Variants in PTPRT observed in about 807,000 individuals in gnomAD.
PTPRT encodes the protein protein tyrosine phosphatase receptor type T.
In PTPRT, 56 loss-of-function variants were observed where a neutral mutation model predicts 176.8. The observed-to-expected ratio is 0.32, with a 90% CI of 0.26 to 0.40. The LOEUF is 0.40. Among genes scored for constraint, PTPRT ranks in the 10% least tolerant of loss-of-function variants. The pLI, the probability that PTPRT is intolerant of heterozygous loss-of-function variation, is 1.00. For synonymous variants in PTPRT, 783 were observed against 739.0 expected (o/e 1.06, Z -0.96); for missense variants, 1,540 against 1,908.2 (o/e 0.81, Z 3.60).
chr20:42,367,212 G>A lies in PTPRT; in HGVS notation c.1561-14927C>T, dbSNP rs562309433. ...ACCTGGGTGACCTTCAATAATATTC[G>A]ATTCCATCATCAAGAAGAAAGGTTT... On this transcript the variant is annotated intron_variant, in intron 9 of 30. Coordinates refer to ENST00000373187, the MANE Select transcript of PTPRT (RefSeq NM_007050.6). 7.9e-5 allele frequency among the ~76,000 whole-genome samples: 12 copies of A among 152,276 alleles called. No homozygotes were observed. The East Asian group carries it at 1.4e-3, about 17-fold the overall frequency.
chr20:42,463,459 G>T (rs188424575), intron 8 of PTPRT, among the ~76,000 whole-genome samples: 3 of 152,052 alleles, frequency 2.0e-5, no homozygotes, highest in Non-Finnish European at 2.9e-5. Flanking sequence ...TCTTGTCAGT[G>T]GGTTCATGTA....
At chr20:42,447,823 T>G (rs558318718) in intron 9 of PTPRT, among the ~76,000 whole-genome samples, 1 of 152,332 alleles carries the variant, frequency 6.6e-6, no homozygotes, top group Admixed American at 6.5e-5. Context: ...ACATTGGGAT[T>G]CTTTTCAAAG....
chr20:43,091,919 G>A (rs2011894329), intron 1 of PTPRT, among the ~76,000 whole-genome samples: 1 of 152,178 alleles, frequency 6.6e-6, no homozygotes, highest in South Asian at 2.1e-4. Context: ...GTACAATAAG[G>A]TCACAGGCCA....
chr20:42,841,610 TACACACACACACACACAC>T (rs3973897), intron 2 of PTPRT, among the ~76,000 whole-genome samples: 39 of 141,018 alleles, frequency 2.8e-4, no homozygotes, highest in Middle Eastern at 3.6e-3. Context: ...TAGTGTTAAA[TACACACACACACACACAC>T]ACACACACAC....
chr20:43,098,619 T>C (rs552777693), intron 1 of PTPRT, among the ~76,000 whole-genome samples: 12 of 151,944 alleles, frequency 7.9e-5, no homozygotes, highest in African/African-American at 2.4e-4. Flanking sequence ...CATGTGTCCC[T>C]GACCTGATGG....
intron 8 of PTPRT, among the ~76,000 whole-genome samples, chr20:42,460,961 C>T (rs992404766): frequency 1.3e-5 from 2 of 152,062 alleles, no homozygotes; most frequent in African/African-American, 4.8e-5. Context: ...GGTGGGAGGA[C>T]GGCTTGAGGC....
chr20:42,588,209 T>G (rs1203410223), intron 7 of PTPRT, among the ~76,000 whole-genome samples: 1 of 152,088 alleles, frequency 6.6e-6, no homozygotes, highest in African/African-American at 2.4e-5. Flanking sequence ...TGTGGGAGGC[T>G]AAGGTGGGTG....
intron 9 of PTPRT, among the ~76,000 whole-genome samples, chr20:42,374,264 AAAGGTCAGGTGTGGTCTGTGGAC>A (rs374776759): frequency 2.0e-5 from 3 of 152,310 alleles, no homozygotes; most frequent in African/African-American, 7.2e-5. Context: ...GGTTCAAGGA[AAAGGTCAGGTGTGGTCTGTGGAC>A]AAGGGGAAAC....
At chr20:42,218,587 G>C (rs2055820778) in intron 15 of PTPRT, among the ~76,000 whole-genome samples, 1 of 152,134 alleles carries the variant, frequency 6.6e-6, no homozygotes, top group South Asian at 2.1e-4. Context: ...TGTGACCCCA[G>C]GCCCCTCTCC....
chr20:42,727,531 A>G (rs897695344), intron 6 of PTPRT, among the ~76,000 whole-genome samples: 34 of 152,188 alleles, frequency 2.2e-4, no homozygotes, highest in Non-Finnish European at 5.9e-5. Flanking sequence ...CAGAGGTGTC[A>G]CTTATGTGTA....
At chr20:42,920,423 T>C (rs1458414898) in intron 1 of PTPRT, among the ~76,000 whole-genome samples, 1 of 151,528 alleles carries the variant, frequency 6.6e-6, no homozygotes, top group Non-Finnish European at 1.5e-5. Context: ...GGGAGGGTGA[T>C]AAAAAGCAAA....
chr20:42,116,128 C>CA (rs768084652), intron 21 of PTPRT: 5 of 712,548 alleles, frequency 7.0e-6, no homozygotes, highest in Non-Finnish European at 1.3e-5. Context: ...AAACAAGAAA[C>CA]AAAAAACAAA....
At chr20:42,035,347 A>G in the PTPRT span, among the ~76,000 whole-genome samples, 1 of 152,170 alleles carries the variant, frequency 6.6e-6, no homozygotes, top group Non-Finnish European at 1.5e-5. Flanking sequence ...ACAGGGCTGG[A>G]ATTCACACTC....
At chr20:42,398,865 T>C (rs1039532023) in intron 9 of PTPRT, among the ~76,000 whole-genome samples, 2 of 152,242 alleles carry the variant, frequency 1.3e-5, no homozygotes, top group African/African-American at 2.4e-5. Context: ...CTGCTCGATG[T>C]CATTCAAGTA....
chr20:42,187,185 A>G (rs1204115413), intron 16 of PTPRT, among the ~76,000 whole-genome samples: 2 of 152,076 alleles, frequency 1.3e-5, no homozygotes, highest in African/African-American at 4.8e-5. Flanking sequence ...TCATATAACT[A>G]TTATCTGTGT....
At chr20:42,585,570 C>T (rs1460603925) in intron 7 of PTPRT, among the ~76,000 whole-genome samples, 1 of 152,094 alleles carries the variant, frequency 6.6e-6, no homozygotes, top group Admixed American at 6.5e-5. Context: ...ATAGCACTTC[C>T]CACATGCCAG....
chr20:42,879,433 C>T (rs2078981344), intron 2 of PTPRT, among the ~76,000 whole-genome samples: 1 of 152,166 alleles, frequency 6.6e-6, no homozygotes, highest in African/African-American at 2.4e-5. Flanking sequence ...TGTATCTTTG[C>T]CTCCACGAGT....
At chr20:42,190,452 C>T (rs1187123210) in intron 16 of PTPRT, among the ~76,000 whole-genome samples, 1 of 152,202 alleles carries the variant, frequency 6.6e-6, no homozygotes, top group Non-Finnish European at 1.5e-5. Flanking sequence ...CTTAGTTCAT[C>T]TACCCAGGGA....
chr20:43,024,645 A>C (rs2146184094), intron 1 of PTPRT, among the ~76,000 whole-genome samples: 1 of 152,168 alleles, frequency 6.6e-6, no homozygotes, highest in Non-Finnish European at 1.5e-5. Flanking sequence ...TATGCAACTT[A>C]AAATGCTTAC....
Sources: gnomAD v4.1 joint callset for allele counts (sites outside exome capture counted in the v4.1 genomes callset) on GRCh38, gnomAD v4.1.1 for gene constraint, MANE v1.5 for transcripts, NCBI Gene and HGNC (gene_info 2026-07-23, HGNC 2026-07-21) for gene names.